SORCS1: variants seen among roughly 807,000 people sequenced by gnomAD.
SORCS1 encodes the protein VPS10 domain-containing receptor SorCS1.
A neutral mutation model predicts 146.1 loss-of-function variants in SORCS1; 60 were observed. The ratio of observed to expected loss-of-function variants is 0.41; its 90% confidence interval spans 0.33 to 0.51. SORCS1 has a LOEUF of 0.51. Ranked by LOEUF, SORCS1 falls within the 20% of genes least tolerant of loss-of-function variation. The pLI is 0.21. For missense variants in SORCS1, 1,352 were observed against 1,487.6 expected, an observed-to-expected ratio of 0.91 and a Z score of 1.50; for synonymous variants, 637 against 584.0, an observed-to-expected ratio of 1.09 and a Z score of -1.31.
intron 2 of SORCS1, among the ~76,000 whole-genome samples, chr10:106,900,971 T>A (rs1951677223): frequency 6.6e-6 from 1 of 152,170 alleles, no homozygotes; most frequent in East Asian, 1.9e-4. Context: ...TGTGTGTGCT[T>A]TTTTCCCACT....
chr10:106,750,054 C>T (rs752469733), intron 5 of SORCS1, among the ~76,000 whole-genome samples: 3 of 152,124 alleles, frequency 2.0e-5, no homozygotes, highest in Non-Finnish European at 2.9e-5. Flanking sequence ...CATACAAAGA[C>T]GTGAAGCAAA....
intron 2 of SORCS1, among the ~76,000 whole-genome samples, chr10:106,914,910 C>T (rs1406243159): frequency 1.3e-5 from 2 of 152,184 alleles, no homozygotes; most frequent in Non-Finnish European, 2.9e-5. Flanking sequence ...CTCCCATTGG[C>T]TCCTTGCTCA....
intron 1 of SORCS1, among the ~76,000 whole-genome samples, chr10:106,992,826 C>CTTTT (rs36052970): frequency 5.2e-3 from 299 of 57,052 alleles, no homozygotes; most frequent in South Asian, 7.9e-3. Flanking sequence ...TTCTTTCTTT[C>CTTTT]TTTTTTTTTT....
rs951705920 is a variant in SORCS1 at position 107,031,601 on chromosome 10, C to T, written c.559-75021G>A. Among the ~76,000 whole-genome samples, 262 of 144,662 alleles carry T rather than the reference C, an allele frequency of 1.8e-3. 2 individuals carry two copies. The highest frequency in any genetic ancestry group is 3.5e-3 in the Admixed American group (51 of 14,404). The allele number at this position is 144,662 out of a possible 152,430, so 94.9% of individuals were successfully genotyped here. A position where few individuals can be genotyped will look rare whatever the true frequency, so the allele number is the denominator to read the frequency against. On this transcript the variant is annotated intron_variant, in intron 1 of 25. Transcript: ENST00000263054. ...TGAATGACAACCAATTTGTATCTCT[C>T]TTTTTTTTTTTTGGTGGGGGGGAAT...
intron 1 of SORCS1, among the ~76,000 whole-genome samples, chr10:107,086,436 A>G (rs1963766294): frequency 6.6e-6 from 1 of 152,196 alleles, no homozygotes; most frequent in South Asian, 2.1e-4. Flanking sequence ...AAATTATCCT[A>G]TATTGCTTAT....
chr10:106,999,393 C>T (rs1452598367), intron 1 of SORCS1, among the ~76,000 whole-genome samples: 1 of 152,196 alleles, frequency 6.6e-6, no homozygotes, highest in Non-Finnish European at 1.5e-5. Context: ...TTTGCATCTG[C>T]TGTGTCCTGT....
At chr10:106,996,236 A>AAAC (rs1389764373) in intron 1 of SORCS1, among the ~76,000 whole-genome samples, 3 of 52,258 alleles carry the variant, frequency 5.7e-5, no homozygotes, top group Non-Finnish European at 8.5e-5. Context: ...AAAAAAAAAA[A>AAAC]AAAAAAAAAA....
At chr10:107,054,772 T>C (rs887102542) in intron 1 of SORCS1, among the ~76,000 whole-genome samples, 2 of 152,154 alleles carry the variant, frequency 1.3e-5, no homozygotes, top group Non-Finnish European at 2.9e-5. Context: ...TCTAAGTTGT[T>C]AAATTCAGCC....
At chr10:106,649,712 C>G (rs1184367537) in intron 18 of SORCS1, among the ~76,000 whole-genome samples, 1 of 152,082 alleles carries the variant, frequency 6.6e-6, no homozygotes, top group Non-Finnish European at 1.5e-5. Context: ...TTCCTTATCT[C>G]TCTCCTCTCC....
intron 3 of SORCS1, among the ~76,000 whole-genome samples, chr10:106,785,776 T>C (rs1946028148): frequency 6.6e-6 from 1 of 152,200 alleles, no homozygotes; most frequent in Admixed American, 6.5e-5. Context: ...AATAGCCTGG[T>C]GCAGCTCTAC....
At chr10:107,146,725 G>C (rs919974507) in intron 1 of SORCS1, among the ~76,000 whole-genome samples, 1 of 152,004 alleles carries the variant, frequency 6.6e-6, no homozygotes, top group Non-Finnish European at 1.5e-5. Flanking sequence ...TAAACTGTCT[G>C]GTGTTTTTAG....
chr10:106,844,029 C>A (rs1949190095), intron 2 of SORCS1, among the ~76,000 whole-genome samples: 1 of 152,188 alleles, frequency 6.6e-6, no homozygotes, highest in Admixed American at 6.5e-5. Context: ...TACAAGGGTT[C>A]CCTTTGCTCC....
chr10:106,924,969 TTTACA>T (rs1213678929), intron 2 of SORCS1, among the ~76,000 whole-genome samples: 1 of 152,154 alleles, frequency 6.6e-6, no homozygotes, highest in Admixed American at 6.6e-5. Flanking sequence ...ACAAGATATA[TTTACA>T]TTAAAGAAAC....
intron 3 of SORCS1, among the ~76,000 whole-genome samples, chr10:106,803,427 C>G (rs950650443): frequency 6.6e-6 from 1 of 152,128 alleles, no homozygotes; most frequent in African/African-American, 2.4e-5. Context: ...AATCATTCAC[C>G]TACAGATAAA....
chr10:107,068,940 T>A (rs919942824), intron 1 of SORCS1, among the ~76,000 whole-genome samples: 1 of 151,704 alleles, frequency 6.6e-6, no homozygotes, highest in Non-Finnish European at 1.5e-5. Flanking sequence ...ATCGCCCAAG[T>A]ACAATAAGCA....
At chr10:106,694,879 C>A (rs1003174512) in intron 9 of SORCS1, among the ~76,000 whole-genome samples, 1 of 152,188 alleles carries the variant, frequency 6.6e-6, no homozygotes, top group Non-Finnish European at 1.5e-5. Flanking sequence ...CTGGGGTGAA[C>A]TGTCATTGTC....
At chr10:107,148,932 C>A (rs1285958265) in intron 1 of SORCS1, among the ~76,000 whole-genome samples, 36 of 152,118 alleles carry the variant, frequency 2.4e-4, no homozygotes, top group Admixed American at 2.4e-3. Flanking sequence ...TAATGAAATT[C>A]CTAAACTGAT....
At chr10:107,103,188 A>T (rs1247423843) in intron 1 of SORCS1, among the ~76,000 whole-genome samples, 1 of 152,192 alleles carries the variant, frequency 6.6e-6, no homozygotes, top group Non-Finnish European at 1.5e-5. Context: ...ATTTAAACTT[A>T]TCACAAGCAG....
chr10:106,645,274 T>C (rs1849345835), intron 18 of SORCS1, among the ~76,000 whole-genome samples: 1 of 151,980 alleles, frequency 6.6e-6, no homozygotes, highest in Non-Finnish European at 1.5e-5. Context: ...GTTCAGGCGA[T>C]TCTCCTGCCT....
Sources: gnomAD v4.1 joint callset for allele counts (sites outside exome capture counted in the v4.1 genomes callset) on GRCh38, gnomAD v4.1.1 for gene constraint, MANE v1.5 for transcripts, NCBI Gene and HGNC (gene_info 2026-07-23, HGNC 2026-07-21) for gene names.